The following INO80 variants were observed in gnomAD, a reference collection of about 807,000 sequenced individuals.
INO80 encodes INO80 complex ATPase subunit.
In INO80, 20 loss-of-function variants were observed where a neutral mutation model predicts 203.4. The observed-to-expected ratio is 0.10, with a 90% CI of 0.07 to 0.14. The LOEUF (loss-of-function observed/expected upper bound fraction) is 0.14, where lower values mean the gene tolerates loss of function less well. Ranked by LOEUF, INO80 falls within the 10% of genes least tolerant of loss-of-function variation. The pLI is 1.00. For missense variants in INO80, 1,419 were observed against 1,914.4 expected (o/e 0.74, Z 4.83); for synonymous variants, 726 against 685.2 (o/e 1.06, Z -0.93).
At chr15:40,984,512 T>G (rs1433197198) in intron 32 of INO80, among the ~76,000 whole-genome samples, 160 bp from the exon 33 acceptor site, 2 of 152,136 alleles carry the variant, frequency 1.3e-5, no homozygotes, top group African/African-American at 4.8e-5. Flanking sequence ...GAAGAAGGGA[T>G]AGCTTAACAG....
intron 28 of INO80, among the ~76,000 whole-genome samples, chr15:41,003,733 T>TA (rs537693218): frequency 6.1e-4 from 93 of 152,300 alleles, no homozygotes; most frequent in Admixed American, 1.5e-3. Flanking sequence ...ACATTACTGT[T>TA]AAAAAGATCC....
intron 34 of INO80, 21 bp downstream of exon 34, chr15:40,983,741 G>A: frequency 1.2e-6 from 2 of 1,610,896 alleles, no homozygotes; most frequent in Non-Finnish European, 1.7e-6. Context: ...GGCCCAAGCT[G>A]TACAAGACAG....
chr15:41,097,344 C>G (rs1036690636), intron 1 of INO80, among the ~76,000 whole-genome samples: 5 of 151,800 alleles, frequency 3.3e-5, no homozygotes, highest in African/African-American at 1.2e-4. Context: ...CCGCGCCCAG[C>G]CTTCTCCCAC....
chr15:41,009,673 G>A (rs918123708), intron 27 of INO80, among the ~76,000 whole-genome samples: 5 of 151,796 alleles, frequency 3.3e-5, no homozygotes, highest in South Asian at 2.1e-4. Context: ...CTGCAGCCTC[G>A]ACCTCCTGGG....
chr15:40,984,460 C>T (rs1241198166), intron 32 of INO80, 108 bp from the exon 33 acceptor site: 1 of 994,588 alleles, frequency 1.0e-6, no homozygotes, highest in Non-Finnish European at 1.5e-6. Context: ...AGTTTATAAA[C>T]TTCTCAATTA....
intron 30 of INO80, 68 bp downstream of exon 30, chr15:40,987,748 A>G: frequency 1.4e-6 from 2 of 1,393,670 alleles, no homozygotes; most frequent in East Asian, 2.3e-5. Flanking sequence ...AATAGTCTCA[A>G]TGCAGTCAAT....
At chr15:41,108,453 G>A (rs1284410814) in intron 1 of INO80, among the ~76,000 whole-genome samples, 4 of 151,812 alleles carry the variant, frequency 2.6e-5, no homozygotes, top group East Asian at 2.0e-4. Flanking sequence ...TTAGCCGGGC[G>A]TGGTGGTGGG....
intron 9 of INO80, among the ~76,000 whole-genome samples, chr15:41,077,010 C>T (rs1473197835): frequency 6.6e-6 from 1 of 151,986 alleles, no homozygotes; most frequent in Non-Finnish European, 1.5e-5. Context: ...CCGGTTCAAG[C>T]GATTCTGCTG....
rs781546231 is a variant in INO80 at position 40,979,878 on chromosome 15, C to T, written c.*345G>A. The T allele has an allele frequency of 8.3e-5, 26 of 313,768 alleles. No individual in the cohort carries two copies. The highest frequency in any genetic ancestry group is 4.3e-5 in the Non-Finnish European group (7 of 163,336). 19.4% of individuals were successfully genotyped at this position (313,768 alleles called of 1,614,324 possible). Reference sequence around the variant, plus strand: ...GACTTTGCAAGGGACGTGTCAGAGCCGAAGAGTGGAATCGGGATGGAAACA... The same window carrying T: ...GACTTTGCAAGGGACGTGTCAGAGCTGAAGAGTGGAATCGGGATGGAAACA... On this transcript the variant is annotated 3_prime_UTR_variant, in exon 36 of 36. Coordinates refer to ENST00000648947, the MANE Select transcript of INO80 (RefSeq NM_017553.3).
At chr15:41,036,186 C>A (rs112146400) in intron 24 of INO80, among the ~76,000 whole-genome samples, 1,628 of 70,046 alleles carry the variant, frequency 0.023, 14 homozygotes, top group Non-Finnish European at 0.033. Context: ...AAAAAAAAAA[C>A]CCAAAAAAAC....
At chr15:41,039,187 A>G (rs997706295) in intron 24 of INO80, among the ~76,000 whole-genome samples, 4 of 152,222 alleles carry the variant, frequency 2.6e-5, no homozygotes, top group South Asian at 4.1e-4. Context: ...TATGTTGCCC[A>G]GGCTGGTCTT....
intron 28 of INO80, among the ~76,000 whole-genome samples, chr15:41,002,563 A>T (rs1164104650): frequency 1.3e-5 from 2 of 152,238 alleles, no homozygotes; most frequent in African/African-American, 4.8e-5. Flanking sequence ...ACTAGAAGTC[A>T]ACATACTACA....
At chr15:41,114,246 G>A (rs553749566) in intron 1 of INO80, among the ~76,000 whole-genome samples, 40 of 150,408 alleles carry the variant, frequency 2.7e-4, no homozygotes, top group African/African-American at 8.8e-4. Flanking sequence ...CAGCCTGGGC[G>A]ACAGAGCCAG....
Position 40,978,958 on chromosome 15 carries a change from T to A in INO80, c.*1265A>T, listed in dbSNP as rs757144619. The A allele has an allele frequency of 6.6e-6, 1 of 152,662 alleles. No homozygotes were observed. Among genetic ancestry groups the A allele is most frequent in the Non-Finnish European group, 1.5e-5 (1 of 68,036 alleles). The allele number at this position is 152,662 out of a possible 1,614,324, so 9.5% of individuals were successfully genotyped here. ...TAAAAGGAAGATGTGTCTCTCTTTA[T>A]ACATATGTACAAGTTCAGTTATAAA... On this transcript the variant is annotated 3_prime_UTR_variant, in exon 36 of 36. Coordinates refer to ENST00000648947, the MANE Select transcript of INO80 (RefSeq NM_017553.3).
intron 1 of INO80, among the ~76,000 whole-genome samples, chr15:41,102,703 G>A (rs908459719): frequency 1.6e-4 from 25 of 152,022 alleles, no homozygotes; most frequent in African/African-American, 5.8e-4. Context: ...TAAAATATTT[G>A]TAATAAAAAA....
At chr15:41,024,646 A>T (rs910331407) in intron 25 of INO80, 2 of 152,368 alleles carry the variant, frequency 1.3e-5, no homozygotes, top group East Asian at 3.9e-4. Flanking sequence ...TGGTAAGAAT[A>T]ATTCCTAAGG....
intron 27 of INO80, among the ~76,000 whole-genome samples, chr15:41,014,404 AG>A (rs1417655658): frequency 6.6e-6 from 1 of 152,302 alleles, no homozygotes; most frequent in East Asian, 1.9e-4. Context: ...GCCCCACTGC[AG>A]GAAAAGTTAC....
chr15:41,062,346 A>G (rs1298185844), intron 14 of INO80, among the ~76,000 whole-genome samples: 2 of 152,160 alleles, frequency 1.3e-5, no homozygotes, highest in Admixed American at 6.5e-5. Context: ...TCATGCCTGT[A>G]ATCTCAGCAC....
intron 1 of INO80, among the ~76,000 whole-genome samples, chr15:41,114,866 A>C (rs556332953): frequency 2.0e-5 from 3 of 152,258 alleles, no homozygotes; most frequent in Admixed American, 2.0e-4. Flanking sequence ...GTTACCTAAG[A>C]CTGGAGGGAG....
Sources: gnomAD v4.1 joint callset for allele counts (sites outside exome capture counted in the v4.1 genomes callset) on GRCh38, gnomAD v4.1.1 for gene constraint, MANE v1.5 for transcripts, NCBI Gene and HGNC (gene_info 2026-07-23, HGNC 2026-07-21) for gene names.